Variants in CYRIB observed in about 807,000 individuals in gnomAD.
The protein encoded by CYRIB is CYFIP-related Rac1 interactor B.
Under a neutral mutation model 44.2 loss-of-function variants are expected in CYRIB, and 8 were observed. The observed-to-expected ratio is 0.18, with a 90% CI of 0.11 to 0.33. The LOEUF (loss-of-function observed/expected upper bound fraction) is 0.33. Ranked by LOEUF, CYRIB falls within the 10% of genes least tolerant of loss-of-function variation. The pLI, the probability that CYRIB is intolerant of heterozygous loss-of-function variation, is 1.00. For synonymous variants in CYRIB, 131 were observed against 127.2 expected, an observed-to-expected ratio of 1.03 and a Z score of -0.20; for missense variants, 185 against 382.8, an observed-to-expected ratio of 0.48 and a Z score of 4.31.
chr8:129,887,875 A>T (rs1334218909), intron 2 of CYRIB, among the ~76,000 whole-genome samples: 1 of 152,188 alleles, frequency 6.6e-6, no homozygotes, highest in Non-Finnish European at 1.5e-5. Context: ...TCTTGGAAGT[A>T]ACTAACTTCA....
chr8:129,895,802 A>C (rs2067752129), intron 2 of CYRIB, among the ~76,000 whole-genome samples: 1 of 152,216 alleles, frequency 6.6e-6, no homozygotes, highest in South Asian at 2.1e-4. Flanking sequence ...TCCTAGGCTC[A>C]AGGAAACCTC....
chr8:129,929,649 T>A (rs2090076320), intron 1 of CYRIB, among the ~76,000 whole-genome samples: 1 of 152,154 alleles, frequency 6.6e-6, no homozygotes, highest in African/African-American at 2.4e-5. Flanking sequence ...ACATTTTAAA[T>A]GAAAACATAA....
intron 2 of CYRIB, among the ~76,000 whole-genome samples, chr8:129,951,268 C>T (rs951309618): frequency 7.2e-5 from 11 of 152,160 alleles, no homozygotes; most frequent in African/African-American, 2.4e-4. Context: ...TGTGCCATTG[C>T]GCTCCAGTCT....
At chr8:129,994,154 G>A (rs186530239) in intron 1 of CYRIB, among the ~76,000 whole-genome samples, 1 of 152,142 alleles carries the variant, frequency 6.6e-6, no homozygotes, top group African/African-American at 2.4e-5. Flanking sequence ...GGCCTAATAA[G>A]GTGATAACCA....
intron 1 of CYRIB, among the ~76,000 whole-genome samples, chr8:129,992,248 G>T (rs1418630825): frequency 6.6e-6 from 1 of 150,884 alleles, no homozygotes; most frequent in Non-Finnish European, 1.5e-5. Context: ...TTGAGCTCAG[G>T]CGGTCAAGGC....
At chr8:129,879,648 T>G (rs1259530552) in intron 2 of CYRIB, 177 bp from the exon 5 acceptor site, 6 of 570,534 alleles carry the variant, frequency 1.1e-5, no homozygotes, top group Non-Finnish European at 1.5e-5. Flanking sequence ...TGTTGATATG[T>G]AGGACCTAGA....
At chr8:129,932,345 G>A (rs1376102013) in intron 1 of CYRIB, among the ~76,000 whole-genome samples, 2 of 152,228 alleles carry the variant, frequency 1.3e-5, no homozygotes, top group East Asian at 1.9e-4. Context: ...TCCTTCTGGA[G>A]CAAAGGACAA....
At chr8:129,953,337 C>G (rs917359610) in intron 2 of CYRIB, among the ~76,000 whole-genome samples, 1 of 152,124 alleles carries the variant, frequency 6.6e-6, no homozygotes, top group South Asian at 2.1e-4. Context: ...TAGTGCTGTT[C>G]GTGAGCGGAC....
intron 1 of CYRIB, among the ~76,000 whole-genome samples, chr8:130,000,803 G>C (rs1157372810): frequency 6.6e-6 from 1 of 152,088 alleles, no homozygotes; most frequent in South Asian, 2.1e-4. Flanking sequence ...GATCCCTGGA[G>C]CTCAGGAGTT....
chr8:129,950,556 C>G (rs1490969104), intron 2 of CYRIB, among the ~76,000 whole-genome samples: 5 of 149,726 alleles, frequency 3.3e-5, no homozygotes, highest in Admixed American at 6.6e-5. Context: ...GGTGACAAAG[C>G]AAGACCATCT....
chr8:129,857,222 G>C (rs1564163449), intron 5 of CYRIB, among the ~76,000 whole-genome samples: 1 of 152,146 alleles, frequency 6.6e-6, no homozygotes, highest in African/African-American at 2.4e-5. Context: ...TATATAGAGA[G>C]AAGACAGACA....
chr8:129,885,682 G>A lies in CYRIB; in HGVS notation c.-10-6211C>T, dbSNP rs200532496. On this transcript the variant is annotated intron_variant, in intron 2 of 11. Coordinates refer to ENST00000519824, the Ensembl canonical transcript of CYRIB. The stretch of plus-strand genomic sequence containing the variant: ...TCCAGACACTGTCAAATGTCCCCTA[G>A]GAGGCAAAACTGCCTGTTGTTGAAA... Among the ~76,000 whole-genome samples the A allele has an allele frequency of 2.0e-5, 3 of 151,974 alleles. No homozygotes were observed. In the East Asian group the frequency reaches 5.8e-4, roughly 29 times the overall value.
In CYRIB at chr8:129,922,064, G is replaced by T. The variant is rs1485561548; in HGVS notation, c.-50+17544C>A. Among the ~76,000 whole-genome samples, 4 of 152,290 alleles carry T rather than the reference G, an allele frequency of 2.6e-5. No homozygotes were observed. The East Asian group carries it at 5.8e-4, about 22-fold the overall frequency. ...ATGGTTCACAGTGGCAACAGTAAGA[G>T]ACCAGTGGCCACACTGCACTAACCA... On this transcript the variant is annotated intron_variant, in intron 1 of 11. Transcript: ENST00000519824.
intron 1 of CYRIB, among the ~76,000 whole-genome samples, chr8:130,013,165 T>C (rs1326607168): frequency 6.6e-6 from 1 of 152,178 alleles, no homozygotes; most frequent in Admixed American, 6.5e-5. Flanking sequence ...TCATGGATGG[T>C]GATCACTATT....
chr8:129,944,405 G>A (rs2093989152), upstream of CYRIB, among the ~76,000 whole-genome samples: 3 of 152,192 alleles, frequency 2.0e-5, no homozygotes. Flanking sequence ...TGGCTTAGCA[G>A]ACAAACTGGA....
chr8:129,895,140 G>GGGGGCA (rs2067365997), intron 2 of CYRIB, among the ~76,000 whole-genome samples: 1 of 120,030 alleles, frequency 8.3e-6, no homozygotes, highest in African/African-American at 3.1e-5. Flanking sequence ...GGGTGGGGGT[G>GGGGGCA]GGGGCAGGGG....
At chr8:129,890,380 C>T (rs1361216779) in intron 2 of CYRIB, 1 of 152,206 alleles carries the variant, frequency 6.6e-6, no homozygotes, top group Non-Finnish European at 1.5e-5. Context: ...AGGCAAGACC[C>T]TCCACTAGCA....
chr8:129,905,946 G>T (rs1417366138), intron 1 of CYRIB, among the ~76,000 whole-genome samples: 3 of 151,976 alleles, frequency 2.0e-5, no homozygotes, highest in Non-Finnish European at 4.4e-5. Context: ...AAATTTACTT[G>T]CCTCCATACA....
chr8:130,009,838 C>T (rs1323132079), intron 1 of CYRIB, among the ~76,000 whole-genome samples: 1 of 152,192 alleles, frequency 6.6e-6, no homozygotes, highest in Admixed American at 6.5e-5. Flanking sequence ...GTGATTTGCC[C>T]AAGGTCATGC....
Sources: gnomAD v4.1 joint callset for allele counts (sites outside exome capture counted in the v4.1 genomes callset) on GRCh38, gnomAD v4.1.1 for gene constraint, MANE v1.5 for transcripts, NCBI Gene and HGNC (gene_info 2026-07-23, HGNC 2026-07-21) for gene names.